Variants in POT1 observed in about 807,000 individuals in gnomAD.
The protein encoded by POT1 is protection of telomeres protein 1.
Under a neutral mutation model 78.5 loss-of-function variants are expected in POT1, and 47 were observed. That is an observed-to-expected ratio of 0.60 (90% CI 0.47 to 0.76). The LOEUF (loss-of-function observed/expected upper bound fraction) is 0.76. POT1 is among the 30% of genes least tolerant of loss of function. The pLI is 0.00. For missense variants in POT1, 646 were observed against 749.9 expected, an observed-to-expected ratio of 0.86 and a Z score of 1.62; for synonymous variants, 259 against 260.7, an observed-to-expected ratio of 0.99 and a Z score of 0.06.
chr7:124,824,245 C>G (rs971058225), intron 18 of POT1, among the ~76,000 whole-genome samples, 171 bp from the exon 19 acceptor site: 1 of 151,748 alleles, frequency 6.6e-6, no homozygotes, highest in South Asian at 2.1e-4. Context: ...AAAATACATA[C>G]TAGATTCATG....
chr7:124,900,131 T>C (rs1047718380), intron 3 of POT1, among the ~76,000 whole-genome samples: 3 of 152,188 alleles, frequency 2.0e-5, no homozygotes, highest in African/African-American at 7.2e-5. Context: ...AATATACATA[T>C]AAAAACTGCA....
At chr7:124,908,452 T>C (rs986173770) in intron 3 of POT1, among the ~76,000 whole-genome samples, 3 of 151,976 alleles carry the variant, frequency 2.0e-5, no homozygotes, top group Non-Finnish European at 4.4e-5. Flanking sequence ...CAGCCACATA[T>C]TGTGTGACTC....
chr7:124,858,424 A>G (rs1795499764), intron 9 of POT1, among the ~76,000 whole-genome samples: 1 of 152,168 alleles, frequency 6.6e-6, no homozygotes, highest in African/African-American at 2.4e-5. Flanking sequence ...TAAACTGTGC[A>G]CCTTAATGTA....
intron 9 of POT1, among the ~76,000 whole-genome samples, chr7:124,855,971 C>T (rs1022869954): frequency 1.3e-5 from 2 of 152,010 alleles, no homozygotes; most frequent in African/African-American, 4.8e-5. Context: ...GTTTATGTGA[C>T]TGGGTCTGTG....
chr7:124,891,753 A>C (rs1796376555), intron 6 of POT1, among the ~76,000 whole-genome samples: 2 of 151,234 alleles, frequency 1.3e-5, no homozygotes. Flanking sequence ...ATCTACTTTA[A>C]CCTGACAATT....
In POT1 at chr7:124,892,279, T is replaced by G. The variant is rs2116629559; in HGVS notation, c.111A>C (p.Leu37=). 1 of 1,533,682 alleles carries G rather than the reference T, an allele frequency of 6.5e-7. No homozygotes were observed. The highest frequency in any genetic ancestry group is 8.7e-7 in the Non-Finnish European group (1 of 1,145,648). Residue 37 remains leucine, a synonymous_variant, in exon 6 of 19, where the codon CTA becomes CTC. Coordinates refer to ENST00000357628, the MANE Select transcript of POT1 (RefSeq NM_015450.3). ...GVVKFFKPPY[L]SKGTDYCSVV... The stretch of plus-strand genomic sequence containing the variant: ...TTTAATACCTACCAGTTCCTTTGCT[T>G]AGATATGGGGGCTTAAAGAACTTCA...
Position 124,822,481 on chromosome 7 carries a change from G to A in POT1, c.*1481C>T, listed in dbSNP as rs1794527977. On this transcript the variant is annotated 3_prime_UTR_variant, in exon 19 of 19. Transcript: ENST00000357628. ...AGGAAGAGTTTTCCTTTGTTAACGTGGAGATCTTGCAGGCTCACAGTGTGA... is the reference window on the plus strand; with the variant it reads ...AGGAAGAGTTTTCCTTTGTTAACGTAGAGATCTTGCAGGCTCACAGTGTGA... 2.3e-6 allele frequency: 1 copy of A among 439,928 alleles called. No homozygotes were observed. Among genetic ancestry groups the A allele is most frequent in the Non-Finnish European group, 4.6e-6 (1 of 215,754 alleles). 27.3% of individuals were successfully genotyped at this position (439,928 alleles called of 1,614,324 possible).
At chr7:124,861,719 G>C (rs1475813909) in intron 8 of POT1, among the ~76,000 whole-genome samples, 2 of 152,120 alleles carry the variant, frequency 1.3e-5, no homozygotes, top group African/African-American at 4.8e-5. Context: ...TTTTCTTCTA[G>C]GGTTTTTATG....
intron 14 of POT1, among the ~76,000 whole-genome samples, chr7:124,840,433 GA>G (rs576526207): frequency 2.0e-5 from 3 of 151,048 alleles, no homozygotes; most frequent in African/African-American, 7.3e-5. Context: ...AATTTGCCAT[GA>G]AAAAAAATTC....
intron 9 of POT1, among the ~76,000 whole-genome samples, chr7:124,854,557 A>T (rs1795396507): frequency 6.6e-6 from 1 of 151,918 alleles, no homozygotes; most frequent in Non-Finnish European, 1.5e-5. Flanking sequence ...CAAAGGAGGT[A>T]AGGAGAAAAC....
rs757138902 is a variant in POT1 at position 124,892,396 on chromosome 7, A to C, written c.10-16T>G. ...TTGCTGGAACCTAAAGAAAGAGAAGACAGTGAATACATTTATACAAAGTAT... is the reference window on the plus strand; with the variant it reads ...TTGCTGGAACCTAAAGAAAGAGAAGCCAGTGAATACATTTATACAAAGTAT... On this transcript the variant is annotated splice_polypyrimidine_tract_variant and intron_variant, in intron 5 of 18. Transcript: ENST00000357628. 5 of 1,211,158 alleles carry C rather than the reference A, an allele frequency of 4.1e-6. No homozygotes were observed. The highest frequency in any genetic ancestry group is 5.7e-6 in the Non-Finnish European group (5 of 882,656). The allele number at this position is 1,211,158 out of a possible 1,614,324, so 75.0% of individuals were successfully genotyped here.
At chr7:124,833,141 T>C (rs1228564073) in intron 15 of POT1, among the ~76,000 whole-genome samples, 1 of 152,146 alleles carries the variant, frequency 6.6e-6, no homozygotes, top group Non-Finnish European at 1.5e-5. Context: ...TCTCAGATCA[T>C]GAGTCTAATG....
chr7:124,826,907 C>A (rs1037199720), intron 17 of POT1, among the ~76,000 whole-genome samples: 1 of 142,260 alleles, frequency 7.0e-6, no homozygotes, highest in East Asian at 2.1e-4. Context: ...AACAAAAGTA[C>A]GATAAAATGT....
At chr7:124,877,618 G>A (rs1420990356) in intron 6 of POT1, among the ~76,000 whole-genome samples, 1 of 151,796 alleles carries the variant, frequency 6.6e-6, no homozygotes, top group Non-Finnish European at 1.5e-5. Context: ...AGATCATGAG[G>A]TCAGGAGATC....
chr7:124,852,862 G>T, intron 10 of POT1, 110 bp downstream of exon 10: 1 of 941,430 alleles, frequency 1.1e-6, no homozygotes, highest in Non-Finnish European at 1.5e-6. Context: ...TAAAAACATG[G>T]CAAATGGCAC....
chr7:124,895,528 C>A, intron 5 of POT1, among the ~76,000 whole-genome samples: 1 of 148,762 alleles, frequency 6.7e-6, no homozygotes, highest in East Asian at 2.0e-4. Flanking sequence ...TAATTCGATT[C>A]ATTCATTCCT....
At chr7:124,843,066 CT>C (rs1361998770) in intron 12 of POT1, 103 bp from the exon 13 acceptor site, 1 of 827,066 alleles carries the variant, frequency 1.2e-6, no homozygotes, top group Non-Finnish European at 1.8e-6. Flanking sequence ...AATTTAAGCT[CT>C]ATTAAGTGTC....
At chr7:124,904,959 G>A (rs926904086) in intron 3 of POT1, among the ~76,000 whole-genome samples, 10 of 152,110 alleles carry the variant, frequency 6.6e-5, no homozygotes, top group African/African-American at 2.4e-4. Context: ...CCTCTTCAAG[G>A]AGAACTACAA....
chr7:124,860,290 A>G (rs73445736), intron 8 of POT1, among the ~76,000 whole-genome samples: 193 of 152,238 alleles, frequency 1.3e-3, no homozygotes, highest in African/African-American at 4.5e-3. Context: ...ATGAAATTCT[A>G]TCTCAACAAG....
Sources: allele counts gnomAD v4.1 joint callset (sites outside exome capture counted in the v4.1 genomes callset), GRCh38; gene constraint gnomAD v4.1.1; transcripts MANE v1.5; gene names NCBI Gene and HGNC (gene_info 2026-07-23, HGNC 2026-07-21).